The following NPRL3 variants were observed in gnomAD, a reference collection of about 807,000 sequenced individuals.
NPRL3 encodes the protein NPR3 like, GATOR1 complex subunit.
A neutral mutation model predicts 57.2 loss-of-function variants in NPRL3; 23 were observed. The ratio of observed to expected loss-of-function variants is 0.40; its 90% CI spans 0.29 to 0.57. NPRL3 has a LOEUF of 0.57. Ranked by LOEUF, NPRL3 falls within the 20% of genes least tolerant of loss-of-function variation. NPRL3 has a pLI of 0.42. For missense variants in NPRL3, 691 were observed against 767.1 expected (o/e 0.90, Z 1.17); for synonymous variants, 333 against 321.1 (o/e 1.04, Z -0.39).
chr16:87,798 C>T (rs1318541880), intron 13 of NPRL3, among the ~76,000 whole-genome samples: 2 of 149,972 alleles, frequency 1.3e-5, no homozygotes, highest in African/African-American at 2.5e-5. Context: ...TCTCGATCTC[C>T]TGACCTCGTG....
chr16:129,334 C>G (rs1900686702), intron 3 of NPRL3, among the ~76,000 whole-genome samples: 2 of 152,154 alleles, frequency 1.3e-5, no homozygotes, highest in Non-Finnish European at 2.9e-5. Flanking sequence ...CTGTGACAAA[C>G]CAGAGTTTGT....
chr16:97,242 C>T (rs1326566786), intron 9 of NPRL3, among the ~76,000 whole-genome samples: 1 of 151,708 alleles, frequency 6.6e-6, no homozygotes, highest in Non-Finnish European at 1.5e-5. Flanking sequence ...GCCCCTGCTT[C>T]TGATTTCTCC....
At chr16:92,957 C>G (rs941653666) in intron 10 of NPRL3, 1 of 623,490 alleles carries the variant, frequency 1.6e-6, no homozygotes, top group African/African-American at 1.8e-5. Flanking sequence ...ACCTCTGATC[C>G]CTCAAGGTGG....
rs1315280988 is a variant in NPRL3 at position 85,440 on chromosome 16, T to A, written c.*1265A>T. 2 of 1,611,808 alleles carry A rather than the reference T, an allele frequency of 1.2e-6. No homozygotes were observed. The highest frequency in any genetic ancestry group is 4.5e-5 in the East Asian group (2 of 44,878). ...GTCTTGCTGCGAGCACTGGAGCCCC[T>A]GGAAGGTCTGGAGACCATGCGTCAG... is the stretch of plus-strand genomic sequence containing the variant. On this transcript the variant is annotated 3_prime_UTR_variant, in exon 14 of 14. Transcript: ENST00000611875.
intron 5 of NPRL3, among the ~76,000 whole-genome samples, chr16:113,026 A>C (rs1176621676): frequency 2.6e-5 from 4 of 152,174 alleles, no homozygotes; most frequent in Admixed American, 2.6e-4. Context: ...CCTGAATAGT[A>C]ACAGAGATGG....
intron 2 of NPRL3, among the ~76,000 whole-genome samples, chr16:131,597 C>CCAAA (rs1900801530): frequency 1.4e-5 from 1 of 69,716 alleles, no homozygotes; most frequent in Non-Finnish European, 2.8e-5. Context: ...GACTCAGTCT[C>CCAAA]AAAAAAAAAA....
chr16:108,247 G>T (rs1247712099), intron 7 of NPRL3, among the ~76,000 whole-genome samples: 4 of 152,152 alleles, frequency 2.6e-5, no homozygotes, highest in African/African-American at 9.7e-5. Context: ...TCTGAGCAGC[G>T]AGCTCACAGA....
chr16:104,343 A>G (rs2141934119), intron 7 of NPRL3, among the ~76,000 whole-genome samples: 1 of 152,288 alleles, frequency 6.6e-6, no homozygotes, highest in South Asian at 2.1e-4. Context: ...ATTGTAATCA[A>G]ATTGTATGGA....
In NPRL3 at chr16:129,173, CA is replaced by C. The variant is rs372791850; in HGVS notation, c.188+1348del. On this transcript the variant is annotated intron_variant, in intron 3 of 13. Coordinates refer to ENST00000611875, the MANE Select transcript of NPRL3 (RefSeq NM_001077350.3). ...GCCAGCCTTCCTTCTGAGTCTTCAG[CA>C]GCCTGGGCCTCACATCCACTGCAGC... Among the ~76,000 whole-genome samples, 456 of 152,312 alleles carry C rather than the reference CA, an allele frequency of 3.0e-3. 2 individuals carry two copies. The highest frequency in any genetic ancestry group is 0.01 in the African/African-American group (428 of 41,576).
intron 13 of NPRL3, among the ~76,000 whole-genome samples, chr16:87,457 G>A (rs1000610132): frequency 1.3e-5 from 2 of 151,498 alleles, no homozygotes; most frequent in African/African-American, 4.9e-5. Context: ...GGCTGGTCTC[G>A]AACTCCTGAA....
chr16:111,777 C>T (rs1262694284), intron 6 of NPRL3, among the ~76,000 whole-genome samples: 1 of 152,122 alleles, frequency 6.6e-6, no homozygotes, highest in Non-Finnish European at 1.5e-5. Flanking sequence ...ACTGAAAATG[C>T]ACCTGAGTCA....
At chr16:107,219 C>A (rs1340282769) in intron 7 of NPRL3, among the ~76,000 whole-genome samples, 1 of 152,170 alleles carries the variant, frequency 6.6e-6, no homozygotes, top group Non-Finnish European at 1.5e-5. Flanking sequence ...CTAGGTGGCG[C>A]TGGGTTGCCT....
chr16:98,073 T>C (rs1899097506), intron 9 of NPRL3, 72 bp downstream of exon 9: 1 of 1,548,268 alleles, frequency 6.5e-7, no homozygotes, highest in Non-Finnish European at 8.8e-7. Context: ...GGATGTACTG[T>C]GGCAGGCGGC....
intron 7 of NPRL3, among the ~76,000 whole-genome samples, chr16:106,093 G>A (rs922010732): frequency 6.6e-6 from 1 of 151,556 alleles, no homozygotes; most frequent in Non-Finnish European, 1.5e-5. Flanking sequence ...GGCAGATCAC[G>A]AGGTCAGGAG....
intron 7 of NPRL3, among the ~76,000 whole-genome samples, chr16:101,896 G>A (rs1899315214): frequency 6.6e-6 from 1 of 152,156 alleles, no homozygotes; most frequent in Admixed American, 6.5e-5. Context: ...CAGCCCCATT[G>A]ACACTCCAAC....
Position 87,861 on chromosome 16 carries a change from C to T in NPRL3, c.1544+837G>A, listed in dbSNP as rs539152129. 7.5e-3 allele frequency among the ~76,000 whole-genome samples: 997 copies of T among 132,128 alleles called. 12 individuals carry two copies. Among genetic ancestry groups the T allele is most frequent in the African/African-American group, 0.024 (928 of 38,098 alleles). The allele number at this position is 132,128 out of a possible 152,430, so 86.7% of individuals were successfully genotyped here. A position where few individuals can be genotyped will look rare whatever the true frequency, so the allele number is the denominator to read the frequency against. ...CTGGGATTACAGGCATGAGCCACCG[C>T]GCCTGACTTTTTTTTTTTTTTTTTT... is the stretch of plus-strand genomic sequence containing the variant. On this transcript the variant is annotated intron_variant, in intron 13 of 13. Transcript: ENST00000611875.
In NPRL3 at chr16:89,750, G is replaced by T. The variant is rs1336372042; in HGVS notation, c.1314C>A (p.Ser438Arg). The change falls in exon 12 of 14, where the codon AGC becomes AGA. Residue 438 changes from serine to arginine, a missense_variant. Physicochemically the swap from Ser to Arg is moderately radical, Grantham distance 110. Transcript: ENST00000611875. ...VPFTARVGGR[S>R]LSTPNALSFG... ...AGCTGAGGGCGTTGGGCGTGCTGAG[G>T]CTGCGACCGCCGACCCGGGCAGTGA... 6.3e-7 allele frequency: 1 copy of T among 1,596,036 alleles called. No homozygotes were observed. The highest frequency in any genetic ancestry group is 8.5e-7 in the Non-Finnish European group (1 of 1,174,112).
chr16:120,344 A>T (rs962967209), intron 3 of NPRL3, among the ~76,000 whole-genome samples: 1 of 152,110 alleles, frequency 6.6e-6, no homozygotes, highest in Non-Finnish European at 1.5e-5. Flanking sequence ...TAGGGTGCAA[A>T]CCTGGTCATG....
intron 2 of NPRL3, among the ~76,000 whole-genome samples, chr16:132,954 C>T (rs1012099888): frequency 6.6e-6 from 1 of 152,108 alleles, no homozygotes; most frequent in Non-Finnish European, 1.5e-5. Context: ...CAGGCGTGAG[C>T]CACCGCACCC....
Sources: gnomAD v4.1 joint callset for allele counts (sites outside exome capture counted in the v4.1 genomes callset) on GRCh38, gnomAD v4.1.1 for gene constraint, MANE v1.5 for transcripts, NCBI Gene and HGNC (gene_info 2026-07-23, HGNC 2026-07-21) for gene names.